Variants in SLC1A3 observed in about 807,000 individuals in gnomAD.
SLC1A3 encodes the protein excitatory amino acid transporter 1.
In SLC1A3, 21 loss-of-function variants were observed where a neutral mutation model predicts 48.1. The observed-to-expected ratio is 0.44, with a 90% CI of 0.31 to 0.63. SLC1A3 has a LOEUF of 0.63. Ranked by LOEUF, SLC1A3 falls within the 20% of genes least tolerant of loss-of-function variation. The pLI, the probability that SLC1A3 is intolerant of heterozygous loss-of-function variation, is 0.08. For missense variants in SLC1A3, 546 were observed against 689.0 expected (o/e 0.79, Z 2.32); for synonymous variants, 239 against 251.4 (o/e 0.95, Z 0.47).
intron 2 of SLC1A3, among the ~76,000 whole-genome samples, chr5:36,616,734 A>G (rs1335634598): frequency 6.6e-6 from 1 of 152,172 alleles, no homozygotes; most frequent in Non-Finnish European, 1.5e-5. Context: ...TACTTGAAAT[A>G]TCATCTTTCA....
chr5:36,679,655 A>G lies in SLC1A3; in HGVS notation c.889A>G (p.Ile297Val). Residue 297 changes from isoleucine (I) to valine (V), a missense_variant, in exon 7 of 10, where the codon ATT (isoleucine) becomes GTT (valine). Coordinates refer to ENST00000265113, the MANE Select transcript of SLC1A3 (RefSeq NM_004172.5). The part of the protein sequence containing the change: ...WYAPVGILFL[I>V]AGKIVEMEDM... ...TGCCCCCGTGGGTATTCTCTTCCTGATTGCTGGGAAGATTGTGGAGATGGA... is the reference window on the plus strand; with the variant it reads ...TGCCCCCGTGGGTATTCTCTTCCTGGTTGCTGGGAAGATTGTGGAGATGGA... 1 of 1,613,830 alleles carries G rather than the reference A, an allele frequency of 6.2e-7. No individual in the cohort carries two copies. The highest frequency in any genetic ancestry group is 8.5e-7 in the Non-Finnish European group (1 of 1,179,902).
At chr5:36,604,911 G>A (rs889088949), upstream of SLC1A3, among the ~76,000 whole-genome samples, 4 of 149,054 alleles carry the variant, frequency 2.7e-5, no homozygotes, top group African/African-American at 9.8e-5. Flanking sequence ...AGCGGTGGGG[G>A]GGGGGGGTGT....
At chr5:36,596,623 T>C (rs1437702192) in exon 1 of SLC1A3, among the ~76,000 whole-genome samples, 2 of 152,162 alleles carry the variant, frequency 1.3e-5, no homozygotes. Flanking sequence ...AAGGTGCAAG[T>C]CCAAGTAGCT....
chr5:36,613,150 G>A (rs772109613), intron 2 of SLC1A3: 2 of 238,462 alleles, frequency 8.4e-6, no homozygotes, highest in Admixed American at 5.3e-5. Context: ...CCACCGAGGT[G>A]CATATACAAT....
chr5:36,605,467 A>G (rs191000466), upstream of SLC1A3, among the ~76,000 whole-genome samples: 45 of 152,336 alleles, frequency 3.0e-4, no homozygotes, highest in African/African-American at 1.0e-3. Flanking sequence ...TTAAAAGGAC[A>G]TACAGTTGAG....
chr5:36,654,872 T>A (rs1364130342), intron 3 of SLC1A3, among the ~76,000 whole-genome samples: 1 of 152,174 alleles, frequency 6.6e-6, no homozygotes, highest in African/African-American at 2.4e-5. Context: ...GATGTTTGCA[T>A]CTGAAAAGGT....
rs376165197 is a variant in SLC1A3, at chr5:36,629,416, T to G, written c.182-34T>G. On this transcript the variant is annotated intron_variant, in intron 2 of 9. Coordinates refer to ENST00000265113, the MANE Select transcript of SLC1A3 (RefSeq NM_004172.5). ...TCCTTCTGTTTCAAAAAAGACTCAA[T>G]TTTTCTTTTTCTTTTTTTTTTTTTT... 8.5e-4 allele frequency: 1,351 copies of G among 1,590,786 alleles called. 1 individual carries two copies. Among genetic ancestry groups the G allele is most frequent in the Non-Finnish European group, 1.1e-3 (1,256 of 1,165,834 alleles).
chr5:36,646,346 T>A (rs1471215435), intron 3 of SLC1A3, among the ~76,000 whole-genome samples: 1 of 152,204 alleles, frequency 6.6e-6, no homozygotes, highest in Non-Finnish European at 1.5e-5. Flanking sequence ...GTGTTTTGCT[T>A]TTTCAGATTT....
chr5:36,663,215 T>A (rs1403854097), intron 3 of SLC1A3, among the ~76,000 whole-genome samples: 1 of 151,870 alleles, frequency 6.6e-6, no homozygotes, highest in Non-Finnish European at 1.5e-5. Flanking sequence ...CTTTTCTTGT[T>A]TGTTTGTTTT....
chr5:36,662,876 A>G (rs1741574302), intron 3 of SLC1A3, among the ~76,000 whole-genome samples: 1 of 152,140 alleles, frequency 6.6e-6, no homozygotes, highest in Non-Finnish European at 1.5e-5. Flanking sequence ...TTGACCACTC[A>G]GAGGCCGCCA....
At chr5:36,616,305 A>C (rs1291342071) in intron 2 of SLC1A3, among the ~76,000 whole-genome samples, 1 of 152,236 alleles carries the variant, frequency 6.6e-6, no homozygotes, top group Non-Finnish European at 1.5e-5. Context: ...AGATATGCTC[A>C]AGAGAGTTTG....
intron 1 of SLC1A3, 162 bp from the exon 2 acceptor site, chr5:36,608,167 C>T (rs1246275820): frequency 2.2e-6 from 1 of 456,142 alleles, no homozygotes; most frequent in Non-Finnish European, 3.9e-6. Flanking sequence ...ACGTGGTCCA[C>T]TAAAATATGC....
At chr5:36,636,553 TCTTTCTTTCTCCCCTTCCTTC>T (rs1328350449) in intron 3 of SLC1A3, among the ~76,000 whole-genome samples, 5 of 150,876 alleles carry the variant, frequency 3.3e-5, no homozygotes, top group Non-Finnish European at 7.4e-5. Flanking sequence ...CTCTTTCCTT[TCTTTCTTTCTCCCCTTCCTTC>T]CTTTCTTTTT....
chr5:36,644,948 T>G (rs757800255), intron 3 of SLC1A3, among the ~76,000 whole-genome samples: 4 of 152,136 alleles, frequency 2.6e-5, no homozygotes, highest in Non-Finnish European at 5.9e-5. Context: ...AAGTTCCCTC[T>G]CAGGAATGTG....
upstream of SLC1A3, among the ~76,000 whole-genome samples, chr5:36,604,713 AAG>A (rs1345061138): frequency 6.6e-6 from 1 of 152,166 alleles, no homozygotes; most frequent in Non-Finnish European, 1.5e-5. Flanking sequence ...GTGAAAAAGA[AAG>A]GGCACCAGGG....
At chr5:36,606,145 T>C (rs901006582), upstream of SLC1A3, among the ~76,000 whole-genome samples, 4 of 152,262 alleles carry the variant, frequency 2.6e-5, no homozygotes, top group Non-Finnish European at 5.9e-5. Context: ...TACATACTTG[T>C]CTGCATTCAG....
intron 3 of SLC1A3, among the ~76,000 whole-genome samples, chr5:36,642,577 T>C (rs1740658648): frequency 6.6e-6 from 1 of 152,246 alleles, no homozygotes. Context: ...CTCACATACA[T>C]GCAATTTACC....
At chr5:36,652,408 G>T (rs1481780026) in intron 3 of SLC1A3, among the ~76,000 whole-genome samples, 1 of 152,150 alleles carries the variant, frequency 6.6e-6, no homozygotes, top group Admixed American at 6.5e-5. Context: ...GGTAAATTGA[G>T]TTTGCGCTAC....
At position 36,679,587 on chromosome 5, in the gene SLC1A3, G is replaced by A. The variant is rs767504158; in HGVS notation, c.861-40G>A. On this transcript the variant is annotated intron_variant, in intron 6 of 9. Transcript: ENST00000265113. ...GAAATTTCTGTGGACTAGCTTGGTG[G>A]AAACCAGACTCCAACCGTGCTGGTG... The A allele has an allele frequency of 4.9e-6, 7 of 1,437,842 alleles. No homozygotes were observed. In the Admixed American group the frequency reaches 1.0e-4, roughly 21 times the overall value. 89.1% of individuals were successfully genotyped at this position (1,437,842 alleles called of 1,614,324 possible). A position where few individuals can be genotyped will look rare whatever the true frequency, so the allele number is the denominator to read the frequency against.
Sources: allele counts gnomAD v4.1 joint callset (sites outside exome capture counted in the v4.1 genomes callset), GRCh38; gene constraint gnomAD v4.1.1; transcripts MANE v1.5; gene names NCBI Gene and HGNC (gene_info 2026-07-23, HGNC 2026-07-21).